The following ANKRD54 variants were observed in gnomAD, a reference collection of about 807,000 sequenced individuals.
The protein encoded by ANKRD54 is ankyrin repeat domain-containing protein 54.
ANKRD54 carries 26 observed loss-of-function variants against 36.2 expected under a neutral mutation model. The ratio of observed to expected loss-of-function variants is 0.72; its 90% CI spans 0.53 to 1.00. The LOEUF (loss-of-function observed/expected upper bound fraction) is 1.00. Among genes scored for constraint, ANKRD54 ranks in the 50% least tolerant of loss-of-function variants. The pLI is 0.00. For missense variants in ANKRD54, 384 were observed against 424.3 expected (o/e 0.91, Z 0.83); for synonymous variants, 209 against 188.4 (o/e 1.11, Z -0.89).
chr22:37,840,437 T>C (rs1229425711), intron 1 of ANKRD54, among the ~76,000 whole-genome samples: 1 of 151,298 alleles, frequency 6.6e-6, no homozygotes, highest in Non-Finnish European at 1.5e-5. Flanking sequence ...CAGGTGCCTG[T>C]AGTCCCAGCT....
rs566535377 is a variant in ANKRD54 at position 37,832,487 on chromosome 22, C to T, written c.828+150G>A. 8 of 666,600 alleles carry T rather than the reference C, an allele frequency of 1.2e-5. No individual in the cohort carries two copies. The African/African-American group carries it at 1.4e-4, about 12-fold the overall frequency. The allele number at this position is 666,600 out of a possible 1,614,324, so 41.3% of individuals were successfully genotyped here. On this transcript the variant is annotated intron_variant, in intron 7 of 7. Transcript: ENST00000215941. Reference sequence around the variant, plus strand: ...AAGTGATCCTCCCACTTCAGCCTCCCATAGCGTTGGGATTACAGGTGTGAG... The same window carrying T: ...AAGTGATCCTCCCACTTCAGCCTCCTATAGCGTTGGGATTACAGGTGTGAG...
chr22:37,838,637 C>T (rs373706501), intron 2 of ANKRD54, 39 bp from the exon 3 acceptor site: 53 of 1,578,812 alleles, frequency 3.4e-5, no homozygotes, highest in East Asian at 9.3e-5. Flanking sequence ...GGGGAGAAAG[C>T]GGCGATGTTA....
At chr22:37,836,481 G>T (rs868186083) in intron 3 of ANKRD54, among the ~76,000 whole-genome samples, 216 of 114,760 alleles carry the variant, frequency 1.9e-3, no homozygotes, top group African/African-American at 6.2e-3. Flanking sequence ...AAGGACAAAA[G>T]ATTTGAACAT....
intron 3 of ANKRD54, 100 bp from the exon 4 acceptor site, chr22:37,833,855 C>T (rs987347643): frequency 2.0e-5 from 20 of 1,022,286 alleles, no homozygotes; most frequent in African/African-American, 4.7e-5. Flanking sequence ...GTAGGGGACA[C>T]GGAATGCAAG....
upstream of ANKRD54, chr22:37,849,207 A>G (rs1925004884): frequency 3.5e-6 from 2 of 566,514 alleles, no homozygotes; most frequent in East Asian, 6.3e-5. Context: ...GCTGGTCTCA[A>G]ACCCCCGGCC....
chr22:37,835,772 C>T (rs1352366643), intron 3 of ANKRD54, among the ~76,000 whole-genome samples: 6 of 152,034 alleles, frequency 3.9e-5, no homozygotes, highest in Non-Finnish European at 7.4e-5. Context: ...GGCCACTGCA[C>T]GTAAGCCTGG....
chr22:37,833,635 C>A (rs1044096828), intron 4 of ANKRD54, 49 bp downstream of exon 4: 3 of 1,602,226 alleles, frequency 1.9e-6, no homozygotes, highest in Middle Eastern at 1.7e-4. Context: ...ATCTAAAGAG[C>A]CTTTCTTTGC....
At chr22:37,833,240 G>A (rs1214183155) in intron 4 of ANKRD54, 34 bp from the exon 5 acceptor site, 3 of 1,610,632 alleles carry the variant, frequency 1.9e-6, no homozygotes, top group Admixed American at 3.4e-5. Flanking sequence ...AAGAATCCAG[G>A]ACCACCAGAG....
chr22:37,843,831 C>A, intron 1 of ANKRD54, 80 bp downstream of exon 1: 1 of 1,061,680 alleles, frequency 9.4e-7, no homozygotes, highest in Non-Finnish European at 1.2e-6. Flanking sequence ...GCGACCAAAG[C>A]GCGGCCACTG....
At chr22:37,832,783 G>A (rs1923054754) in intron 6 of ANKRD54, 39 bp from the exon 7 acceptor site, 5 of 1,609,884 alleles carry the variant, frequency 3.1e-6, no homozygotes, top group Non-Finnish European at 4.2e-6. Context: ...TGGGTTCCTA[G>A]GGAGGCAGAC....
chr22:37,835,387 T>A (rs1248646978), intron 3 of ANKRD54, among the ~76,000 whole-genome samples: 2 of 151,360 alleles, frequency 1.3e-5, no homozygotes, highest in African/African-American at 4.9e-5. Flanking sequence ...TAAATAAAAA[T>A]AAAATTAGGA....
chr22:37,844,877 CTT>C (rs1431969718), upstream of ANKRD54, among the ~76,000 whole-genome samples: 2 of 150,700 alleles, frequency 1.3e-5, no homozygotes, highest in African/African-American at 4.9e-5. Flanking sequence ...CTTTTTTTTT[CTT>C]TTTCCTCTCC....
chr22:37,830,897 T>A lies in ANKRD54; in HGVS notation c.*1046A>T, dbSNP rs2145950034. 1 of 152,336 alleles carries A rather than the reference T, an allele frequency of 6.6e-6. No homozygotes were observed. The highest frequency in any genetic ancestry group is 2.4e-5 in the African/African-American group (1 of 41,560). 9.4% of individuals were successfully genotyped at this position (152,336 alleles called of 1,614,324 possible). On this transcript the variant is annotated 3_prime_UTR_variant, in exon 8 of 8. Coordinates refer to ENST00000215941, the MANE Select transcript of ANKRD54 (RefSeq NM_138797.4). ...AATTTATTCCCTTAGAGTTCTAAAA[T>A]CAGCCAGAATTATAAAATTAGCCTC... is the stretch of plus-strand genomic sequence containing the variant.
intron 3 of ANKRD54, among the ~76,000 whole-genome samples, chr22:37,838,227 G>A (rs1923785670): frequency 6.6e-6 from 1 of 152,120 alleles, no homozygotes; most frequent in Admixed American, 6.5e-5. Flanking sequence ...TGAAGGCCTG[G>A]GCCCTGCACT....
upstream of ANKRD54, among the ~76,000 whole-genome samples, chr22:37,847,160 TTTC>T (rs900628985): frequency 6.7e-6 from 1 of 148,736 alleles, no homozygotes; most frequent in African/African-American, 2.5e-5. Context: ...GCCAATTTCT[TTTC>T]TTTTTTCTTT....
chr22:37,839,469 G>A (rs1463313780), intron 2 of ANKRD54, among the ~76,000 whole-genome samples: 4 of 152,132 alleles, frequency 2.6e-5, no homozygotes, highest in Admixed American at 6.6e-5. Flanking sequence ...CTCACTGCAA[G>A]CTCTGTCTCC....
chr22:37,841,308 C>G (rs1308364587), intron 1 of ANKRD54, among the ~76,000 whole-genome samples: 3 of 151,870 alleles, frequency 2.0e-5, no homozygotes, highest in Admixed American at 2.0e-4. Context: ...GGCAGATTGC[C>G]TGTGCTCTGG....
At chr22:37,841,557 C>CAAA (rs1555911808) in intron 1 of ANKRD54, among the ~76,000 whole-genome samples, 1 of 148,596 alleles carries the variant, frequency 6.7e-6, no homozygotes, top group South Asian at 2.1e-4. Flanking sequence ...CACACACACA[C>CAAA]AAAAAACATA....
Position 37,833,683 on chromosome 22 carries a change from C to T in ANKRD54, c.547+1G>A. 6.2e-7 allele frequency: 1 copy of T among 1,613,926 alleles called. No individual in the cohort carries two copies. The highest frequency in any genetic ancestry group is 8.5e-7 in the Non-Finnish European group (1 of 1,179,848). On this transcript the variant is annotated splice_donor_variant, in intron 4 of 7. Transcript: ENST00000215941. LOFTEE classifies it high-confidence loss of function. ...GTCTTAGTGACTTCTGACATGCTTA[C>T]CCAGGTGCAGTGGCGTGTTCCCCAG...
Sources: gnomAD v4.1 joint callset for allele counts (sites outside exome capture counted in the v4.1 genomes callset) on GRCh38, gnomAD v4.1.1 for gene constraint, MANE v1.5 for transcripts, NCBI Gene and HGNC (gene_info 2026-07-23, HGNC 2026-07-21) for gene names.